STPG4: variants seen among roughly 807,000 people sequenced by gnomAD.
STPG4 encodes protein STPG4.
In STPG4, 41 loss-of-function variants were observed where a neutral mutation model predicts 31.5. The ratio of observed to expected loss-of-function variants is 1.30; its 90% CI spans 1.01 to 1.69. The LOEUF (loss-of-function observed/expected upper bound fraction) is 1.69. Among genes scored for constraint, STPG4 ranks in the 40% most tolerant of loss-of-function variants. STPG4 has a pLI of 0.00. For missense variants in STPG4, 375 were observed against 293.4 expected, an observed-to-expected ratio of 1.28 and a Z score of -2.03; for synonymous variants, 141 against 103.0, an observed-to-expected ratio of 1.37 and a Z score of -2.24.
At chr2:47,088,098 G>T (rs1417185144) in intron 6 of STPG4, among the ~76,000 whole-genome samples, 1 of 150,692 alleles carries the variant, frequency 6.6e-6, no homozygotes, top group Non-Finnish European at 1.5e-5. Flanking sequence ...GTTTTTTTTT[G>T]AGATACGGTC....
intron 6 of STPG4, 23 bp downstream of exon 6, chr2:47,090,247 G>T: frequency 6.7e-7 from 1 of 1,499,854 alleles, no homozygotes; most frequent in Non-Finnish European, 9.1e-7. Context: ...GGTGGGGGGC[G>T]ATCTGTCTTT....
intron 3 of STPG4, among the ~76,000 whole-genome samples, chr2:47,138,893 C>A (rs1254041353): frequency 6.6e-6 from 1 of 152,110 alleles, no homozygotes; most frequent in Non-Finnish European, 1.5e-5. Flanking sequence ...CCATGTTGGC[C>A]AGGCTGGTCT....
At chr2:47,097,044 G>A (rs1685685471) in intron 5 of STPG4, among the ~76,000 whole-genome samples, 1 of 152,170 alleles carries the variant, frequency 6.6e-6, no homozygotes, top group Non-Finnish European at 1.5e-5. Context: ...GGAGGACACA[G>A]GTGGACAGGG....
intron 5 of STPG4, among the ~76,000 whole-genome samples, chr2:47,101,756 G>A (rs888690563): frequency 5.3e-5 from 8 of 151,822 alleles, no homozygotes; most frequent in Non-Finnish European, 1.0e-4. Flanking sequence ...GATATGGGGA[G>A]CCTCAGAAAT....
intron 5 of STPG4, among the ~76,000 whole-genome samples, chr2:47,105,951 A>ACAAAGCC (rs1685901825): frequency 6.6e-6 from 1 of 152,008 alleles, no homozygotes; most frequent in Non-Finnish European, 1.5e-5. Context: ...AAGAGGTGGG[A>ACAAAGCC]ATCTTACACT....
At chr2:47,101,550 G>C (rs1368668628) in intron 5 of STPG4, among the ~76,000 whole-genome samples, 4 of 151,676 alleles carry the variant, frequency 2.6e-5, no homozygotes, top group African/African-American at 9.7e-5. Flanking sequence ...ACCTGTCTCT[G>C]GTGCTTTTTT....
At chr2:47,139,809 A>G (rs1047481223) in intron 3 of STPG4, among the ~76,000 whole-genome samples, 2 of 151,988 alleles carry the variant, frequency 1.3e-5, no homozygotes, top group African/African-American at 4.8e-5. Flanking sequence ...GAGTTTGCAT[A>G]GTATATCTTT....
intron 3 of STPG4, among the ~76,000 whole-genome samples, chr2:47,140,050 A>C (rs1315970245): frequency 1.3e-5 from 2 of 152,164 alleles, no homozygotes; most frequent in African/African-American, 2.4e-5. Flanking sequence ...CTGGGATTAC[A>C]AGCGTGAGCC....
intron 5 of STPG4, among the ~76,000 whole-genome samples, chr2:47,093,708 T>G (rs1285111322): frequency 6.6e-6 from 1 of 152,232 alleles, no homozygotes; most frequent in East Asian, 1.9e-4. Flanking sequence ...TTGCATGGAC[T>G]TGGTCATCTG....
intron 3 of STPG4, among the ~76,000 whole-genome samples, chr2:47,141,134 C>G (rs571657954): frequency 6.6e-6 from 1 of 151,782 alleles, no homozygotes; most frequent in East Asian, 1.9e-4. Flanking sequence ...TGATCTGCCC[C>G]CCTCGGCCTC....
chr2:47,111,981 G>A (rs533375748), intron 5 of STPG4, among the ~76,000 whole-genome samples: 6 of 152,112 alleles, frequency 3.9e-5, no homozygotes, highest in Admixed American at 6.6e-5. Context: ...GTTTTGTTTT[G>A]TTTTTAACAA....
intron 3 of STPG4, among the ~76,000 whole-genome samples, chr2:47,141,325 CAAAA>C (rs57032767): frequency 3.4e-5 from 4 of 116,302 alleles, no homozygotes; most frequent in African/African-American, 6.6e-5. Flanking sequence ...GGGACTTTCT[CAAAA>C]AAAAAAAAAA....
intron 5 of STPG4, among the ~76,000 whole-genome samples, chr2:47,109,325 G>C (rs1009580400): frequency 6.6e-6 from 1 of 152,194 alleles, no homozygotes; most frequent in Non-Finnish European, 1.5e-5. Flanking sequence ...GGGAGGCAGA[G>C]GTGGGCAGAT....
At chr2:47,141,312 C>T (rs1686698750) in intron 3 of STPG4, among the ~76,000 whole-genome samples, 1 of 146,712 alleles carries the variant, frequency 6.8e-6, no homozygotes, top group Non-Finnish European at 1.5e-5. Flanking sequence ...AAATAAACAA[C>T]ATGGGACTTT....
At chr2:47,125,201 G>A (rs961096591) in intron 5 of STPG4, among the ~76,000 whole-genome samples, 10 of 152,024 alleles carry the variant, frequency 6.6e-5, no homozygotes, top group African/African-American at 1.4e-4. Flanking sequence ...TGGGCAGATC[G>A]CTTGAGCTCA....
chr2:47,092,125 AT>A (rs1386394055), intron 5 of STPG4, among the ~76,000 whole-genome samples: 1 of 132,178 alleles, frequency 7.6e-6, no homozygotes, highest in Non-Finnish European at 1.6e-5. Flanking sequence ...CAAACAAAAA[AT>A]TTTTTTTGCT....
intron 5 of STPG4, among the ~76,000 whole-genome samples, chr2:47,108,236 A>C (rs1334841613): frequency 6.6e-6 from 1 of 151,550 alleles, no homozygotes; most frequent in Non-Finnish European, 1.5e-5. Context: ...GGGCCAGATA[A>C]GAGAAAAAAA....
chr2:47,090,043 G>C (rs543268871), intron 6 of STPG4, among the ~76,000 whole-genome samples: 1 of 152,168 alleles, frequency 6.6e-6, no homozygotes, highest in African/African-American at 2.4e-5. Flanking sequence ...CACAGATTTT[G>C]GGCCTGGAGT....
intron 5 of STPG4, among the ~76,000 whole-genome samples, chr2:47,117,514 G>A (rs939023159): frequency 6.6e-6 from 1 of 152,174 alleles, no homozygotes; most frequent in African/African-American, 2.4e-5. Flanking sequence ...CGGCCCAACA[G>A]ATAATGTTAA....
Sources: allele counts gnomAD v4.1 joint callset (sites outside exome capture counted in the v4.1 genomes callset), GRCh38; gene constraint gnomAD v4.1.1; transcripts MANE v1.5; gene names NCBI Gene and HGNC (gene_info 2026-07-23, HGNC 2026-07-21).